Variants in PBLD observed in about 807,000 individuals in gnomAD.
PBLD encodes phenazine biosynthesis like protein domain containing, also known as phenazine biosynthesis-like domain-containing protein.
A neutral mutation model predicts 31.3 loss-of-function variants in PBLD; 26 were observed. That is an observed-to-expected ratio of 0.83 (90% CI 0.61 to 1.15). The LOEUF (loss-of-function observed/expected upper bound fraction) is 1.15, where lower values mean the gene tolerates loss of function less well. Ranked by LOEUF, PBLD falls within the 50% of genes most tolerant of loss-of-function variation. The pLI is 0.00. For synonymous variants in PBLD, 114 were observed against 129.0 expected, an observed-to-expected ratio of 0.88 and a Z score of 0.79; for missense variants, 307 against 351.7, an observed-to-expected ratio of 0.87 and a Z score of 1.02.
Position 68,296,317 on chromosome 10 carries a change from G to C in PBLD, c.232C>G (p.Leu78Val). ...RWFTPASEVP[L>V]CGHATLASAA... ...GAAGCCAGGGTGGCATGGCCACAGA[G>C]TGGGACCTCACTCGCTGGTGTAAAC... Residue 78 changes from leucine (L) to valine (V), a missense_variant, in exon 4 of 10, where the codon CTC (leucine) becomes GTC (valine). Leu to Val is a conservative substitution (Grantham distance 32). Coordinates refer to ENST00000358769, the MANE Select transcript of PBLD (RefSeq NM_022129.4). The C allele has an allele frequency of 6.2e-7, 1 of 1,614,156 alleles. No homozygotes were observed. The highest frequency in any genetic ancestry group is 8.5e-7 in the Non-Finnish European group (1 of 1,180,002).
intron 1 of PBLD, among the ~76,000 whole-genome samples, chr10:68,332,418 A>G (rs964756487): frequency 6.6e-6 from 1 of 152,168 alleles, no homozygotes; most frequent in Non-Finnish European, 1.5e-5. Context: ...GGACTTGCTC[A>G]GGTGGAATTC....
Position 68,284,127 on chromosome 10 carries a change from G to A in PBLD, c.*50C>T, listed in dbSNP as rs1764718089. 2 of 1,496,762 alleles carry A rather than the reference G, an allele frequency of 1.3e-6. No individual in the cohort carries two copies. The highest frequency in any genetic ancestry group is 1.8e-6 in the Non-Finnish European group (2 of 1,082,362). The allele number at this position is 1,496,762 out of a possible 1,614,324, so 92.7% of individuals were successfully genotyped here. On this transcript the variant is annotated 3_prime_UTR_variant, in exon 10 of 10. Coordinates refer to ENST00000358769, the MANE Select transcript of PBLD (RefSeq NM_022129.4). ...GGCAGCCCCTTACATTTCTTTTTAA[G>A]CAGAAAATACTTGGTGGTTAGAGAC...
At chr10:68,317,101 G>T (rs1208901177) in intron 1 of PBLD, among the ~76,000 whole-genome samples, 1 of 152,046 alleles carries the variant, frequency 6.6e-6, no homozygotes, top group Non-Finnish European at 1.5e-5. Flanking sequence ...ATTAACAGCT[G>T]GTTTATCAGT....
At chr10:68,319,053 G>GAGAGAGAGAAAGAA (rs1431193816) in intron 1 of PBLD, among the ~76,000 whole-genome samples, 5 of 98,888 alleles carry the variant, frequency 5.1e-5, no homozygotes, top group Admixed American at 1.2e-4. Flanking sequence ...AAGAAAGAGA[G>GAGAGAGAGAAAGAA]AGAAAGAAAG....
intron 6 of PBLD, among the ~76,000 whole-genome samples, chr10:68,290,728 A>G (rs563584069): frequency 1.8e-4 from 28 of 152,338 alleles, no homozygotes; most frequent in Non-Finnish European, 3.5e-4. Context: ...AATAAAAAAA[A>G]AGGTTTAATT....
intron 9 of PBLD, among the ~76,000 whole-genome samples, chr10:68,284,928 C>T (rs995775015): frequency 3.9e-5 from 6 of 152,224 alleles, no homozygotes; most frequent in African/African-American, 1.2e-4. Flanking sequence ...TGGCTGCCAT[C>T]ATTTTTCTCT....
At chr10:68,329,890 G>T (rs906662951) in intron 1 of PBLD, among the ~76,000 whole-genome samples, 8 of 152,094 alleles carry the variant, frequency 5.3e-5, no homozygotes, top group African/African-American at 1.9e-4. Context: ...AACCCTATGG[G>T]CTCCAATTCT....
intron 1 of PBLD, chr10:68,331,849 A>G (rs1413065068): frequency 6.6e-6 from 1 of 152,344 alleles, no homozygotes; most frequent in Non-Finnish European, 1.5e-5. Flanking sequence ...GTAAGCAAGA[A>G]AAACGGTGCG....
At chr10:68,296,449 G>T in intron 3 of PBLD, 85 bp from the exon 4 acceptor site, 2 of 1,031,006 alleles carry the variant, frequency 1.9e-6, no homozygotes, top group Non-Finnish European at 2.9e-6. Flanking sequence ...TTCCTATATA[G>T]TTCTCTAGCA....
chr10:68,318,375 T>TAAAAAAAAA (rs34722771), intron 1 of PBLD, among the ~76,000 whole-genome samples: 2 of 51,282 alleles, frequency 3.9e-5, no homozygotes, highest in Admixed American at 3.2e-4. Flanking sequence ...CTGCCTCTAT[T>TAAAAAAAAA]AAAAAAAAAA....
intron 6 of PBLD, among the ~76,000 whole-genome samples, chr10:68,290,442 G>A (rs1564725109): frequency 6.6e-6 from 1 of 152,166 alleles, no homozygotes; most frequent in Non-Finnish European, 1.5e-5. Flanking sequence ...TCAGGGGTGG[G>A]CGCGGTGGCT....
At position 68,292,200 on chromosome 10, in the gene PBLD, C is replaced by T; in HGVS notation, c.322G>A (p.Gly108Arg). Residue 108 changes from glycine to arginine, a missense_variant, in exon 5 of 10, where the codon GGA becomes AGA. By Grantham distance (125) the Gly-to-Arg change is moderately radical. Coordinates refer to ENST00000358769, the MANE Select transcript of PBLD (RefSeq NM_022129.4). ...TCTGCTCGTCTGGCCCTTAGTTCTC[C>T]ACTCAGAGTGACAAACGTGAGCGTG... Reference protein sequence around the residue: ...NSTLTFVTLSGELRARRAEDG... With the variant: ...NSTLTFVTLSRELRARRAEDG... 6.2e-7 allele frequency: 1 copy of T among 1,613,820 alleles called. No homozygotes were observed. The highest frequency in any genetic ancestry group is 1.1e-5 in the South Asian group (1 of 91,080).
intron 1 of PBLD, among the ~76,000 whole-genome samples, chr10:68,314,609 T>A (rs1200250923): frequency 6.6e-6 from 1 of 151,382 alleles, no homozygotes; most frequent in Non-Finnish European, 1.5e-5. Flanking sequence ...TTTTTTTTTT[T>A]CTTTTTGAGA....
chr10:68,331,980 G>A (rs544222742), intron 1 of PBLD: 61 of 152,508 alleles, frequency 4.0e-4, no homozygotes, highest in Non-Finnish European at 8.2e-4. Context: ...CGACTTTCCC[G>A]TCTCGCGAGA....
intron 9 of PBLD, among the ~76,000 whole-genome samples, chr10:68,284,858 C>T (rs530469222): frequency 6.6e-6 from 1 of 152,252 alleles, no homozygotes; most frequent in Non-Finnish European, 1.5e-5. Context: ...AGCCACCTTG[C>T]TCTCTCCAAA....
intron 8 of PBLD, 24 bp downstream of exon 8, chr10:68,288,459 C>A (rs1589647153): frequency 6.2e-7 from 1 of 1,609,584 alleles, no homozygotes; most frequent in Non-Finnish European, 8.5e-7. Context: ...GTTTAACCCT[C>A]CCCTGGGCTC....
intron 2 of PBLD, among the ~76,000 whole-genome samples, chr10:68,305,274 T>G (rs1192154344): frequency 6.6e-6 from 1 of 151,048 alleles, no homozygotes; most frequent in African/African-American, 2.4e-5. Flanking sequence ...GTCCTCCTTT[T>G]TTTTTTTTTT....
chr10:68,318,816 A>T (rs1030595131), intron 1 of PBLD, among the ~76,000 whole-genome samples: 1 of 151,958 alleles, frequency 6.6e-6, no homozygotes, highest in Non-Finnish European at 1.5e-5. Context: ...CTATAATCCC[A>T]GCACTTTGGG....
At chr10:68,316,807 G>T (rs1165183821) in intron 1 of PBLD, among the ~76,000 whole-genome samples, 1 of 152,124 alleles carries the variant, frequency 6.6e-6, no homozygotes. Context: ...GAGCTCAGGA[G>T]TTCGAGACCA....
Sources: gnomAD v4.1 joint callset for allele counts (sites outside exome capture counted in the v4.1 genomes callset) on GRCh38, gnomAD v4.1.1 for gene constraint, MANE v1.5 for transcripts, NCBI Gene and HGNC (gene_info 2026-07-23, HGNC 2026-07-21) for gene names.